Variants in NCOR2 observed in about 807,000 individuals in gnomAD.
The protein encoded by NCOR2 is CTG repeat protein 26.
In NCOR2, 81 loss-of-function variants were observed where a neutral mutation model predicts 262.9. The ratio of observed to expected loss-of-function variants is 0.31; its 90% confidence interval spans 0.26 to 0.37. The LOEUF is 0.37. Ranked by LOEUF, NCOR2 falls within the 10% of genes least tolerant of loss-of-function variation. The probability of loss-of-function intolerance (pLI) is 1.00; values close to 1 mark genes in which losing one functional copy is unlikely to be tolerated. For missense variants in NCOR2, 3,385 were observed against 3,621.4 expected (o/e 0.93, Z 1.68); for synonymous variants, 1,659 against 1,559.3 (o/e 1.06, Z -1.51).
At chr12:124,403,263 TG>T (rs1293937529) in intron 13 of NCOR2, among the ~76,000 whole-genome samples, 1 of 152,146 alleles carries the variant, frequency 6.6e-6, no homozygotes, top group Non-Finnish European at 1.5e-5. Context: ...TGCCTGGGCC[TG>T]GTCTCCCTCG....
Position 124,483,651 on chromosome 12 carries a change from C to T in NCOR2, c.356G>A (p.Arg119Gln), listed in dbSNP as rs1237994045. 4 of 1,611,112 alleles carry T rather than the reference C, an allele frequency of 2.5e-6. No homozygotes were observed. Among genetic ancestry groups the T allele is most frequent in the East Asian group, 4.5e-5 (2 of 44,776 alleles). Residue 119 changes from arginine (R) to glutamine (Q), a missense_variant, in exon 3 of 47, where the codon CGA becomes CAA. Arg to Gln is a conservative substitution (Grantham distance 43). Around this residue, in one of 5 missense-constraint regions of NCOR2, gnomAD observed 237 missense variants for 229.4 expected, o/e 1.03. Coordinates refer to ENST00000405201, the Ensembl canonical transcript of NCOR2. The surrounding 1 kb of genome is among the most constrained non-coding windows in gnomAD (Gnocchi z 6.3). Reference sequence around the variant, plus strand: ...GCCCGTGGCCAGCAGGGGTGACGGTCGCAGCAGGGGGTCAGGCAGCAGCTC... The same window carrying T: ...GCCCGTGGCCAGCAGGGGTGACGGTTGCAGCAGGGGGTCAGGCAGCAGCTC...
At chr12:124,336,928 G>A (rs2035948369) in exon 38 of NCOR2, 5 of 1,577,230 alleles carry the variant, frequency 3.2e-6, no homozygotes, top group South Asian at 1.2e-5. Flanking sequence ...GAGGCACTAG[G>A]GGCCGGGGCT....
chr12:124,489,102 C>T (rs1394124512), intron 1 of NCOR2, among the ~76,000 whole-genome samples: 2 of 151,918 alleles, frequency 1.3e-5, no homozygotes, highest in Non-Finnish European at 2.9e-5. Flanking sequence ...TACCTGGAGG[C>T]TCTAGGGGAA....
intron 8 of NCOR2, among the ~76,000 whole-genome samples, chr12:124,436,004 AC>A (rs1259928752): frequency 6.6e-6 from 1 of 152,232 alleles, no homozygotes; most frequent in East Asian, 1.9e-4. Context: ...CACAACAGGC[AC>A]CGGAAGGGCA....
intron 5 of NCOR2, among the ~76,000 whole-genome samples, chr12:124,460,594 T>C (rs1265442000): frequency 6.6e-6 from 1 of 152,190 alleles, no homozygotes; most frequent in Non-Finnish European, 1.5e-5. Context: ...TAGAGGTGGA[T>C]GAGAGGGCAG....
chr12:124,494,696 C>T (rs924901830), intron 1 of NCOR2, among the ~76,000 whole-genome samples: 16 of 152,172 alleles, frequency 1.1e-4, no homozygotes, highest in South Asian at 6.2e-4. Flanking sequence ...CCTCGAGCCG[C>T]ACCAAGGTGA....
intron 13 of NCOR2, among the ~76,000 whole-genome samples, chr12:124,414,410 C>G (rs375360639): frequency 6.6e-6 from 1 of 152,334 alleles, no homozygotes; most frequent in South Asian, 2.1e-4. Flanking sequence ...TCATCACCAT[C>G]ATCGCCATCG....
intron 16 of NCOR2, among the ~76,000 whole-genome samples, chr12:124,392,166 T>C (rs1371109095): frequency 1.3e-5 from 2 of 152,208 alleles, no homozygotes; most frequent in Admixed American, 1.3e-4. Flanking sequence ...AGGAGCCATG[T>C]GGATGCGGAT....
intron 44 of NCOR2, among the ~76,000 whole-genome samples, chr12:124,330,041 G>A (rs140726457): frequency 1.3e-5 from 2 of 152,252 alleles, no homozygotes; most frequent in East Asian, 1.9e-4. Flanking sequence ...ACTATCCTTC[G>A]CTCACCATTC....
chr12:124,490,142 T>C (rs939711267), intron 1 of NCOR2, among the ~76,000 whole-genome samples: 3 of 152,052 alleles, frequency 2.0e-5, no homozygotes, highest in Non-Finnish European at 2.9e-5. Context: ...GCCTGGAACA[T>C]TCCTCAGCCA....
chr12:124,381,230 C>G (rs2040386285), intron 17 of NCOR2, among the ~76,000 whole-genome samples: 1 of 152,120 alleles, frequency 6.6e-6, no homozygotes, highest in South Asian at 2.1e-4. Context: ...GCTCGCTGCC[C>G]CAGCCACAGG....
At chr12:124,325,381 C>CG (rs1593050967) in exon 47 of NCOR2, 3 of 380,684 alleles carry the variant, frequency 7.9e-6, no homozygotes, top group Non-Finnish European at 8.2e-6. Flanking sequence ...GACACCGCCC[C>CG]CCCCCCCGCC....
At chr12:124,335,320 C>CCCCAGGGCTGCTGGG in intron 39 of NCOR2, 40 bp from the exon 42 acceptor site, 2 of 1,529,338 alleles carry the variant, frequency 1.3e-6, no homozygotes, top group African/African-American at 2.7e-5. Context: ...TGTCTGCTGG[C>CCCCAGGGCTGCTGGG]CCCAGGGCTG....
intron 1 of NCOR2, among the ~76,000 whole-genome samples, chr12:124,488,175 G>A (rs530804204): frequency 2.6e-5 from 4 of 152,284 alleles, no homozygotes; most frequent in African/African-American, 9.6e-5. Flanking sequence ...CAGAGACAAT[G>A]CCAGGTGGGT....
intron 7 of NCOR2, among the ~76,000 whole-genome samples, chr12:124,441,952 G>A (rs1220674592): frequency 6.6e-6 from 1 of 152,190 alleles, no homozygotes; most frequent in Admixed American, 6.5e-5. Flanking sequence ...TGAAAAACAA[G>A]GCAAGGCTGA....
Position 124,566,443 on chromosome 12 carries a change from T to A in NCOR2, c.-165+865A>T, listed in dbSNP as rs1594087699. ...GCCTGTCTCTCCCTCCCGCCCGCCG[T>A]GCCCTCCCGCCCTCGGCTTGCTCCT... is the stretch of plus-strand genomic sequence containing the variant. On this transcript the variant is annotated intron_variant, in intron 1 of 32. Transcript: ENST00000458234. The surrounding 1 kb of genome is among the most constrained non-coding windows in gnomAD (Gnocchi z 4.3). Among the ~76,000 whole-genome samples, 1 of 152,048 alleles carries A rather than the reference T, an allele frequency of 6.6e-6. No individual in the cohort carries two copies. The highest frequency in any genetic ancestry group is 2.4e-5 in the African/African-American group (1 of 41,424).
rs142347765 is a variant in NCOR2, at chr12:124,560,776, C to G, written c.-165+6532G>C. ...GGCCAGGAACCGAGGGAGACTTTTA[C>G]GCAATGTGTTAATTTTCTTTTTTAC... On this transcript the variant is annotated intron_variant, in intron 1 of 32. Transcript: ENST00000458234. 3.9e-5 allele frequency among the ~76,000 whole-genome samples: 6 copies of G among 152,208 alleles called. No individual in the cohort carries two copies. The East Asian group carries it at 5.8e-4, about 15-fold the overall frequency.
chr12:124,492,774 C>A (rs546118752), intron 1 of NCOR2, among the ~76,000 whole-genome samples: 1 of 152,290 alleles, frequency 6.6e-6, no homozygotes, highest in African/African-American at 2.4e-5. Context: ...TCACAGCCCC[C>A]AGCTCACCTC....
intron 1 of NCOR2, among the ~76,000 whole-genome samples, chr12:124,492,979 C>A (rs1263302530): frequency 6.6e-6 from 1 of 152,158 alleles, no homozygotes; most frequent in Non-Finnish European, 1.5e-5. Context: ...GTGGCCCCTG[C>A]TGCCCCCACA....
Sources: gnomAD v4.1 joint callset for allele counts (sites outside exome capture counted in the v4.1 genomes callset) on GRCh38, gnomAD v4.1.1 for gene constraint, gnomAD v4.1.1 regional missense constraint, Gnocchi (gnomAD v3.1) non-coding constraint, MANE v1.5 for transcripts, NCBI Gene and HGNC (gene_info 2026-07-23, HGNC 2026-07-21) for gene names.